Variants in DEF8 observed in about 807,000 individuals in gnomAD.
DEF8 encodes the protein DEF-8.
Under a neutral mutation model 59.1 loss-of-function variants are expected in DEF8, and 38 were observed. The ratio of observed to expected loss-of-function variants is 0.64; its 90% CI spans 0.50 to 0.84. DEF8 has a LOEUF of 0.84. Ranked by LOEUF, DEF8 falls within the 40% of genes least tolerant of loss-of-function variation. The probability of loss-of-function intolerance (pLI) is 0.00; values close to 1 mark genes in which losing one functional copy is unlikely to be tolerated. For synonymous variants in DEF8, 265 were observed against 250.1 expected (o/e 1.06, Z -0.56); for missense variants, 557 against 615.2 (o/e 0.91, Z 1.00).
At chr16:89,949,640 T>C in intron 2 of DEF8, 127 bp downstream of exon 2, 1 of 1,609,012 alleles carries the variant, frequency 6.2e-7, no homozygotes, top group South Asian at 1.1e-5. Flanking sequence ...GGAGGCCAGG[T>C]CCGTGCATCC....
At position 89,959,080 on chromosome 16, in the gene DEF8, A is replaced by G; in HGVS notation, c.439A>G (p.Lys147Glu). The G allele has an allele frequency of 6.2e-7, 1 of 1,613,900 alleles. No individual in the cohort carries two copies. Among genetic ancestry groups the G allele is most frequent in the East Asian group, 2.2e-5 (1 of 44,876 alleles). Reference sequence around the variant, plus strand: ...GCACCGCTTTTACAAGGAGAAGAGCAAGAGCGTCAAGCAGACCTGTGACAA... The same window carrying G: ...GCACCGCTTTTACAAGGAGAAGAGCGAGAGCGTCAAGCAGACCTGTGACAA... ...LEHRFYKEKS[K>E]SVKQTCDKCN... Residue 147 changes from lysine (K) to glutamate (E), a missense_variant, in exon 6 of 13, where the codon AAG becomes GAG. Physicochemically the swap from Lys to Glu is moderately conservative, Grantham distance 56 (BLOSUM62 1). Transcript: ENST00000563594.
intron 10 of DEF8, chr16:89,963,689 G>A (rs965745889): frequency 2.8e-5 from 15 of 544,462 alleles, no homozygotes; most frequent in Middle Eastern, 4.8e-4. Context: ...CCCAGCCCTC[G>A]TCAGGCAGGT....
chr16:89,949,781 G>A (rs2031641700), intron 2 of DEF8: 2 of 835,034 alleles, frequency 2.4e-6, no homozygotes, highest in Non-Finnish European at 3.6e-6. Context: ...GAGGGGCAGG[G>A]GGTGGCCAGA....
intron 6 of DEF8, among the ~76,000 whole-genome samples, chr16:89,960,729 C>G (rs2033922043): frequency 6.6e-6 from 1 of 152,078 alleles, no homozygotes; most frequent in South Asian, 2.1e-4. Context: ...AGGACAAGGT[C>G]TGGGCCACCT....
rs1275270530 is a variant in DEF8, at chr16:89,954,718, G to A, written c.124+342G>A. ...GAGGGAACGTGCTCTGGGCGTCAGG[G>A]TGGCATGAGCTTTAGAAACTGCAGA... On this transcript the variant is annotated intron_variant, in intron 3 of 12. Transcript: ENST00000563594. The surrounding 1 kb of genome is among the most constrained non-coding windows in gnomAD (Gnocchi z 4.3). Among the ~76,000 whole-genome samples, 1 of 152,198 alleles carries A rather than the reference G, an allele frequency of 6.6e-6. No individual in the cohort carries two copies. The highest frequency in any genetic ancestry group is 2.4e-5 in the African/African-American group (1 of 41,438).
rs377381815 is a variant in DEF8, at chr16:89,954,313, C to G, written c.61C>G (p.Gln21Glu). ...RQAHLNPFNK[Q>E]SGPRQHEQGP... is the part of the protein sequence containing the mutation. ...GGCCCACCTCAACCCCTTCAACAAG[C>G]AGTCTGGGCCGAGACAGCATGAGCA... The change falls in exon 3 of 13, where the codon CAG (glutamine) becomes GAG (glutamate). Residue 21 changes from glutamine (Q) to glutamate (E), a missense_variant. Gln to Glu is a conservative substitution (Grantham distance 29). Coordinates refer to ENST00000563594, the MANE Select transcript of DEF8 (RefSeq NM_001242818.2). The surrounding 1 kb of genome is among the most constrained non-coding windows in gnomAD (Gnocchi z 4.3). 1 of 1,613,826 alleles carries G rather than the reference C, an allele frequency of 6.2e-7. No individual in the cohort carries two copies. Among genetic ancestry groups the G allele is most frequent in the Non-Finnish European group, 8.5e-7 (1 of 1,179,968 alleles).
At chr16:89,962,458 G>A (rs2034153182) in intron 9 of DEF8, among the ~76,000 whole-genome samples, 1 of 152,196 alleles carries the variant, frequency 6.6e-6, no homozygotes, top group African/African-American at 2.4e-5. Context: ...GGGAGTTTGA[G>A]ACCAGCCTGA....
intron 6 of DEF8, among the ~76,000 whole-genome samples, chr16:89,959,906 C>T (rs1275005476): frequency 6.6e-6 from 1 of 150,982 alleles, no homozygotes; most frequent in Non-Finnish European, 1.5e-5. Context: ...GTGTCCAGTG[C>T]CTTAAGGAGG....
chr16:89,965,038 T>G (rs763132679), intron 12 of DEF8, among the ~76,000 whole-genome samples: 13 of 152,242 alleles, frequency 8.5e-5, no homozygotes, highest in Non-Finnish European at 1.3e-4. Context: ...TTTGATTTAT[T>G]AAGTACTTAT....
chr16:89,954,397 G>C lies in DEF8; in HGVS notation c.124+21G>C, dbSNP rs1367619843. On this transcript the variant is annotated intron_variant, in intron 3 of 12. Coordinates refer to ENST00000563594, the MANE Select transcript of DEF8 (RefSeq NM_001242818.2). The surrounding 1 kb of genome is among the most constrained non-coding windows in gnomAD (Gnocchi z 4.3). ...TGAAGGTGGGTGCTGGTGGGAGTCA[G>C]GGTGGGAGCTGGGCAGGTCTCTGAC... is the stretch of plus-strand genomic sequence containing the variant. The C allele has an allele frequency of 4.3e-6, 7 of 1,611,398 alleles. No individual in the cohort carries two copies. In the African/African-American group the frequency reaches 9.3e-5, roughly 22 times the overall value.
Position 89,954,363 on chromosome 16 carries a change from C to T in DEF8, c.111C>T (p.Asp37=), listed in dbSNP as rs759040124. Reference sequence around the variant, plus strand: ...AGGGCCCTGGGGAGGAGGTCCCGGACGTCACTCCTGAAGGTGGGTGCTGGT... The same window carrying T: ...AGGGCCCTGGGGAGGAGGTCCCGGATGTCACTCCTGAAGGTGGGTGCTGGT... ...HEQGPGEEVP[D]VTPEEALPEL... is the part of the protein sequence containing the mutation. The change falls in exon 3 of 13, where the codon GAC becomes GAT. Residue 37 remains aspartate, a synonymous_variant. Coordinates refer to ENST00000563594, the MANE Select transcript of DEF8 (RefSeq NM_001242818.2). This position sits in a 1 kb window ranked among gnomAD's most constrained non-coding sequence, Gnocchi z 4.3. 10 of 1,613,528 alleles carry T rather than the reference C, an allele frequency of 6.2e-6. No individual in the cohort carries two copies. The highest frequency in any genetic ancestry group is 1.7e-4 in the Middle Eastern group (1 of 6,032).
intron 4 of DEF8, 116 bp downstream of exon 4, chr16:89,955,382 T>C: frequency 1.2e-6 from 1 of 830,598 alleles, no homozygotes; most frequent in East Asian, 2.6e-5. Flanking sequence ...TGAGCTGGGG[T>C]ACAGTCTCAC....
In DEF8 at chr16:89,957,532, G is replaced by A. The variant is rs1230200388; in HGVS notation, c.244G>A (p.Val82Ile). ...RPVGLFLASD[V>I]QQLRQAIEEC... is the part of the protein sequence containing the mutation. ...GCAGGGTCTGTTCCTGGCCTCTGAC[G>A]TCCAGCAGCTGCGGCAGGCGATCGA... The change falls in exon 5 of 13, where the codon GTC becomes ATC. Residue 82 changes from valine to isoleucine, a missense_variant. By Grantham distance (29) the Val-to-Ile change is conservative (BLOSUM62 3). Coordinates refer to ENST00000563594, the MANE Select transcript of DEF8 (RefSeq NM_001242818.2). 3.1e-6 allele frequency: 5 copies of A among 1,591,704 alleles called. No homozygotes were observed. The highest frequency in any genetic ancestry group is 2.3e-5 in the East Asian group (1 of 43,792).
At position 89,953,958 on chromosome 16, in the gene DEF8, G is replaced by T. The variant is rs549045929; in HGVS notation, c.-10-285G>T. On this transcript the variant is annotated intron_variant, in intron 2 of 12. Transcript: ENST00000563594. ...TGGGCAAGAGGACCCTGTGCTGGGA[G>T]GCAGGGAGCTTGGGCCCCTCAGATG... 3.3e-5 allele frequency among the ~76,000 whole-genome samples: 5 copies of T among 152,358 alleles called. No homozygotes were observed. The East Asian group carries it at 9.6e-4, about 29-fold the overall frequency.
Position 89,961,174 on chromosome 16 carries a change from G to A in DEF8, c.679+79G>A, listed in dbSNP as rs951503811. ...CGGGTGCACAGGTGTGTAAGGGCAC[G>A]TAAGTCAGACAGTTGAGTGAGGCCC... On this transcript the variant is annotated intron_variant, in intron 7 of 12. Coordinates refer to ENST00000563594, the MANE Select transcript of DEF8 (RefSeq NM_001242818.2). The A allele has an allele frequency of 5.8e-5, 89 of 1,537,612 alleles. No individual in the cohort carries two copies. In the South Asian group the frequency reaches 9.1e-4, roughly 16 times the overall value.
In DEF8 at chr16:89,955,221, C is replaced by G. The variant is rs146767529; in HGVS notation, c.177C>G (p.Arg59=). The G allele has an allele frequency of 6.2e-7, 1 of 1,613,784 alleles. No homozygotes were observed. The highest frequency in any genetic ancestry group is 1.1e-5 in the South Asian group (1 of 91,076). ...PGEPEFRCPE[R]VMDLGLSEDH... ...AGCCGGAATTCCGCTGCCCTGAACG[C>G]GTGATGGATCTCGGCCTGTCTGAGG... Residue 59 remains arginine, a synonymous_variant, in exon 4 of 13, where the codon CGC becomes CGG. Transcript: ENST00000563594.
intron 6 of DEF8, chr16:89,959,438 C>T: frequency 9.8e-7 from 1 of 1,015,910 alleles, no homozygotes; most frequent in Non-Finnish European, 1.3e-6. Context: ...GTGAATGTGA[C>T]TTTAGGGCAG....
intron 4 of DEF8, 73 bp downstream of exon 4, chr16:89,955,339 T>TCA: frequency 7.8e-7 from 1 of 1,288,822 alleles, no homozygotes; most frequent in Middle Eastern, 1.8e-4. Context: ...GGTTTCCTTG[T>TCA]CACTCCCTCC....
chr16:89,959,377 A>G lies in DEF8; in HGVS notation c.514+222A>G, dbSNP rs572014448. The G allele has an allele frequency of 2.8e-6, 4 of 1,423,448 alleles. No homozygotes were observed. The East Asian group carries it at 7.6e-5, about 27-fold the overall frequency. 88.2% of individuals were successfully genotyped at this position (1,423,448 alleles called of 1,614,324 possible). A position where few individuals can be genotyped will look rare whatever the true frequency, so the allele number is the denominator to read the frequency against. The stretch of plus-strand genomic sequence containing the variant: ...AACTAGTGAATTACATGGTGTGTCT[A>G]GTTTGTACAATGAAGAAAAAGGGAA... On this transcript the variant is annotated intron_variant, in intron 6 of 12. Coordinates refer to ENST00000563594, the MANE Select transcript of DEF8 (RefSeq NM_001242818.2).
Sources: allele counts gnomAD v4.1 joint callset (sites outside exome capture counted in the v4.1 genomes callset), GRCh38; gene constraint gnomAD v4.1.1; non-coding constraint Gnocchi (gnomAD v3.1); transcripts MANE v1.5; gene names NCBI Gene and HGNC (gene_info 2026-07-23, HGNC 2026-07-21).